Variants in C12orf42 observed in about 807,000 individuals in gnomAD.
The protein encoded by C12orf42 is chromosome 12 open reading frame 42, also known as uncharacterized protein C12orf42.
Under a neutral mutation model 21.6 loss-of-function variants are expected in C12orf42, and 25 were observed. The observed-to-expected ratio is 1.16, with a 90% CI of 0.84 to 1.62. The LOEUF is 1.62. Ranked by LOEUF, C12orf42 falls within the 40% of genes most tolerant of loss-of-function variation. C12orf42 has a pLI of 0.00. For synonymous variants in C12orf42, 174 were observed against 175.0 expected, an observed-to-expected ratio of 0.99 and a Z score of 0.05; for missense variants, 483 against 459.3, an observed-to-expected ratio of 1.05 and a Z score of -0.47.
At chr12:103,050,244 G>A in the C12orf42 span, among the ~76,000 whole-genome samples, 1 of 152,106 alleles carries the variant, frequency 6.6e-6, no homozygotes, top group African/African-American at 2.4e-5. Flanking sequence ...GTGTGTGTGT[G>A]TGTGTGTGTA....
the C12orf42 span, among the ~76,000 whole-genome samples, chr12:103,228,160 CT>C: frequency 6.6e-6 from 1 of 152,238 alleles, no homozygotes; most frequent in African/African-American, 2.4e-5. Context: ...AGCAACATGG[CT>C]GTTTATTTCA....
At chr12:103,507,205 T>C in the C12orf42 span, among the ~76,000 whole-genome samples, 3 of 34,928 alleles carry the variant, frequency 8.6e-5, no homozygotes, top group Non-Finnish European at 1.2e-4. Context: ...ATATTTATAT[T>C]ATATATATAA....
At chr12:103,252,250 A>T (rs2034344330) in intron 10 of C12orf42, among the ~76,000 whole-genome samples, 1 of 152,196 alleles carries the variant, frequency 6.6e-6, no homozygotes, top group Non-Finnish European at 1.5e-5. Flanking sequence ...GCTGCAATAA[A>T]CATATGTGTG....
chr12:103,273,305 T>A (rs1020157874), intron 5 of C12orf42, among the ~76,000 whole-genome samples: 18 of 152,194 alleles, frequency 1.2e-4, no homozygotes, highest in African/African-American at 4.1e-4. Context: ...AGGATTTTTT[T>A]AAAGGTAATA....
intron 2 of C12orf42, among the ~76,000 whole-genome samples, chr12:103,435,832 A>C (rs970067207): frequency 6.6e-6 from 1 of 152,138 alleles, no homozygotes; most frequent in African/African-American, 2.4e-5. Flanking sequence ...ACTCTGAAGG[A>C]TATTATCCAG....
chr12:103,325,774 CCTT>C (rs2040621048), intron 4 of C12orf42, among the ~76,000 whole-genome samples: 1 of 152,170 alleles, frequency 6.6e-6, no homozygotes, highest in Non-Finnish European at 1.5e-5. Context: ...TTTTCCTCCT[CCTT>C]AATCTGGGCT....
the C12orf42 span, among the ~76,000 whole-genome samples, chr12:103,531,545 T>A: frequency 2.0e-5 from 3 of 152,328 alleles, no homozygotes; most frequent in South Asian, 6.2e-4. Flanking sequence ...ACCAGAGATA[T>A]TGAGATCACT....
rs780973248 is a variant in C12orf42 at position 103,322,105 on chromosome 12, G to A, written c.260-15760C>T. Among the ~76,000 whole-genome samples the A allele has an allele frequency of 5.0e-3, 638 of 126,924 alleles. 1 individual carries two copies. Among genetic ancestry groups the A allele is most frequent in the Middle Eastern group, 0.012 (3 of 250 alleles). 83.3% of individuals were successfully genotyped at this position (126,924 alleles called of 152,430 possible). On this transcript the variant is annotated intron_variant, in intron 4 of 5. Coordinates refer to ENST00000548883, the MANE Select transcript of C12orf42 (RefSeq NM_198521.5). ...ATTCTGTCTTCTCAGATGTGCACGC[G>A]CGTGCGTGCGCGCGCGCGCGCACAC...
At chr12:103,483,996 C>CT (rs1954651835) in intron 1 of C12orf42, among the ~76,000 whole-genome samples, 1 of 152,222 alleles carries the variant, frequency 6.6e-6, no homozygotes, top group African/African-American at 2.4e-5. Context: ...TGAACTCATC[C>CT]TTTTTTATGG....
At chr12:103,523,367 C>G in the C12orf42 span, among the ~76,000 whole-genome samples, 2 of 151,914 alleles carry the variant, frequency 1.3e-5, no homozygotes, top group Non-Finnish European at 2.9e-5. Flanking sequence ...TTTTTTATAG[C>G]TTTTGGCCAT....
At chr12:103,365,895 T>C (rs1474437723) in intron 4 of C12orf42, among the ~76,000 whole-genome samples, 1 of 151,958 alleles carries the variant, frequency 6.6e-6, no homozygotes, top group Non-Finnish European at 1.5e-5. Flanking sequence ...AAAATGACCA[T>C]ACCGCCAAAA....
intron 2 of C12orf42, among the ~76,000 whole-genome samples, chr12:103,411,576 G>T (rs2048847912): frequency 6.6e-6 from 1 of 152,114 alleles, no homozygotes; most frequent in South Asian, 2.1e-4. Flanking sequence ...AGGTCATCAG[G>T]GTGGAGCCCT....
chr12:103,496,236 A>C (rs1955539693), upstream of C12orf42, among the ~76,000 whole-genome samples: 1 of 152,098 alleles, frequency 6.6e-6, no homozygotes, highest in Non-Finnish European at 1.5e-5. Flanking sequence ...TTTTCCACGG[A>C]GGGGGTACTT....
At chr12:103,462,734 T>A (rs540610771) in intron 2 of C12orf42, among the ~76,000 whole-genome samples, 24 of 152,152 alleles carry the variant, frequency 1.6e-4, no homozygotes, top group African/African-American at 5.6e-4. Flanking sequence ...TGTCTGCACA[T>A]CAGTTAAAGC....
At chr12:103,160,463 T>C in the C12orf42 span, among the ~76,000 whole-genome samples, 1 of 152,322 alleles carries the variant, frequency 6.6e-6, no homozygotes, top group East Asian at 1.9e-4. Flanking sequence ...AACATTGTTC[T>C]CTAATAAAAT....
At chr12:103,197,014 G>T in the C12orf42 span, among the ~76,000 whole-genome samples, 2 of 152,056 alleles carry the variant, frequency 1.3e-5, no homozygotes, top group African/African-American at 2.4e-5. Context: ...TAGTGTCATT[G>T]GTCTATGGAC....
chr12:103,383,671 G>A (rs1322409928), intron 3 of C12orf42, among the ~76,000 whole-genome samples: 1 of 152,136 alleles, frequency 6.6e-6, no homozygotes, highest in Non-Finnish European at 1.5e-5. Flanking sequence ...AAATAACTGG[G>A]AGTATGGCAA....
At chr12:103,167,029 C>T in the C12orf42 span, among the ~76,000 whole-genome samples, 3 of 152,274 alleles carry the variant, frequency 2.0e-5, no homozygotes, top group East Asian at 1.9e-4. Flanking sequence ...CAAATGTTCA[C>T]GCTTTTGAAA....
the C12orf42 span, among the ~76,000 whole-genome samples, chr12:103,175,289 G>A: frequency 6.6e-6 from 1 of 151,982 alleles, no homozygotes; most frequent in Non-Finnish European, 1.5e-5. Flanking sequence ...TTTTAATAGT[G>A]GTGGGACAAA....
Sources: allele counts gnomAD v4.1 joint callset (sites outside exome capture counted in the v4.1 genomes callset), GRCh38; gene constraint gnomAD v4.1.1; transcripts MANE v1.5; gene names NCBI Gene and HGNC (gene_info 2026-07-23, HGNC 2026-07-21).